The following DENND1A variants were observed in gnomAD, a reference collection of about 807,000 sequenced individuals.
DENND1A encodes DENN domain-containing protein 1A.
In DENND1A, 51 loss-of-function variants were observed where a neutral mutation model predicts 113.7. The observed-to-expected ratio is 0.45, with a 90% CI of 0.36 to 0.57. The LOEUF is 0.57. Among genes scored for constraint, DENND1A ranks in the 20% least tolerant of loss-of-function variants. DENND1A has a pLI of 0.00. For synonymous variants in DENND1A, 565 were observed against 570.8 expected (o/e 0.99, Z 0.14); for missense variants, 1,258 against 1,395.9 (o/e 0.90, Z 1.57).
At chr9:123,567,991 C>G (rs2058146627) in intron 12 of DENND1A, among the ~76,000 whole-genome samples, 1 of 152,208 alleles carries the variant, frequency 6.6e-6, no homozygotes, top group Non-Finnish European at 1.5e-5. Context: ...TAAAACTATT[C>G]CAGTCACCAC....
chr9:123,667,490 A>G (rs940275027), intron 7 of DENND1A, among the ~76,000 whole-genome samples: 1 of 152,098 alleles, frequency 6.6e-6, no homozygotes, highest in Non-Finnish European at 1.5e-5. Context: ...GGTGGCGGGC[A>G]CCTGTAATCC....
chr9:123,706,354 G>A (rs756854612), intron 5 of DENND1A, among the ~76,000 whole-genome samples: 21 of 151,756 alleles, frequency 1.4e-4, no homozygotes, highest in Non-Finnish European at 2.2e-4. Flanking sequence ...GTTTCACTAT[G>A]TTGGCCAGGC....
chr9:123,408,807 C>A (rs2044086158), intron 20 of DENND1A, among the ~76,000 whole-genome samples: 1 of 152,224 alleles, frequency 6.6e-6, no homozygotes. Flanking sequence ...CTGCACAGAT[C>A]CCCACACCAG....
chr9:123,849,440 A>T (rs573446505), intron 2 of DENND1A, among the ~76,000 whole-genome samples: 65 of 152,330 alleles, frequency 4.3e-4, no homozygotes, highest in African/African-American at 1.3e-3. Context: ...GCCATTGAGT[A>T]ATGACACAAA....
intron 10 of DENND1A, among the ~76,000 whole-genome samples, chr9:123,628,478 G>A (rs750529312): frequency 2.6e-5 from 4 of 152,132 alleles, no homozygotes; most frequent in Admixed American, 6.5e-5. Context: ...GTCTCCAATG[G>A]AAGGAGAGAG....
At chr9:123,471,194 C>T (rs1442093005) in intron 13 of DENND1A, among the ~76,000 whole-genome samples, 5 of 152,142 alleles carry the variant, frequency 3.3e-5, no homozygotes, top group African/African-American at 7.2e-5. Flanking sequence ...ATGGGAGAGT[C>T]GGGAACAGTG....
At position 123,678,164 on chromosome 9, in the gene DENND1A, T is replaced by G. The variant is rs2064212315; in HGVS notation, c.303-1375A>C. Among the ~76,000 whole-genome samples, 2 of 152,220 alleles carry G rather than the reference T, an allele frequency of 1.3e-5. 1 individual carries two copies. The highest frequency in any genetic ancestry group is 4.1e-4 in the South Asian group (2 of 4,830). On this transcript the variant is annotated intron_variant, in intron 5 of 23. Transcript: ENST00000394215. ...ATGATGCAGTCCTCAATGGCATGTC[T>G]GTTTTCTCAACAGACCACATGCAAA...
chr9:123,602,639 C>A (rs1340811127), intron 11 of DENND1A, among the ~76,000 whole-genome samples: 1 of 152,220 alleles, frequency 6.6e-6, no homozygotes, highest in African/African-American at 2.4e-5. Flanking sequence ...ATGAAACTAT[C>A]AGGTGAGATT....
chr9:123,861,509 G>A (rs1164067460), intron 2 of DENND1A, among the ~76,000 whole-genome samples: 4 of 151,958 alleles, frequency 2.6e-5, no homozygotes, highest in South Asian at 2.1e-4. Flanking sequence ...CCCTTTTCAC[G>A]CTAAGAAGGA....
chr9:123,929,354 A>C (rs952427959), intron 1 of DENND1A, among the ~76,000 whole-genome samples: 9 of 152,164 alleles, frequency 5.9e-5, no homozygotes, highest in South Asian at 4.1e-4. Context: ...TTCACAGATA[A>C]GAGGGGGGAA....
intron 3 of DENND1A, among the ~76,000 whole-genome samples, chr9:123,790,917 G>C (rs998584464): frequency 6.6e-5 from 10 of 152,086 alleles, no homozygotes; most frequent in African/African-American, 2.4e-4. Flanking sequence ...TATAATAACT[G>C]ATGATTTGTA....
chr9:123,381,858 G>A lies in DENND1A; in HGVS notation c.2787C>T (p.Ser929=), dbSNP rs546983524. The change falls in exon 24 of 24, where the codon TCC becomes TCT. Residue 929 remains serine (S), a synonymous_variant. Transcript: ENST00000394215. This position sits in a 1 kb window ranked among gnomAD's most constrained non-coding sequence, Gnocchi z 4.7. The part of the protein sequence containing the change: ...PPASLGPAFA[S]GLLLSSAGFC... Reference sequence around the variant, plus strand: ...AGCCAGCACTGGACAGCAGGAGGCCGGACGCAAAAGCCGGCCCCAGGGAAG... The same window carrying A: ...AGCCAGCACTGGACAGCAGGAGGCCAGACGCAAAAGCCGGCCCCAGGGAAG... 51 of 1,460,016 alleles carry A rather than the reference G, an allele frequency of 3.5e-5. No individual in the cohort carries two copies. The Admixed American group carries it at 4.4e-4, about 13-fold the overall frequency. 90.4% of individuals were successfully genotyped at this position (1,460,016 alleles called of 1,614,324 possible).
At chr9:123,464,636 A>C (rs1355140941) in intron 13 of DENND1A, among the ~76,000 whole-genome samples, 2 of 152,164 alleles carry the variant, frequency 1.3e-5, no homozygotes, top group East Asian at 3.8e-4. Flanking sequence ...CAGACAAAAA[A>C]ACTTCTGGAG....
intron 5 of DENND1A, among the ~76,000 whole-genome samples, chr9:123,713,718 G>A (rs2066786279): frequency 6.6e-6 from 1 of 151,866 alleles, no homozygotes; most frequent in South Asian, 2.1e-4. Context: ...AGACTCTCCT[G>A]AAATTCACAC....
At chr9:123,792,538 A>T in intron 3 of DENND1A, 49 bp downstream of exon 3, 1 of 1,585,802 alleles carries the variant, frequency 6.3e-7, no homozygotes, top group Non-Finnish European at 8.6e-7. Flanking sequence ...ATGTTGAACA[A>T]CTCTGAAATA....
chr9:123,921,677 G>C (rs564403324), intron 1 of DENND1A, among the ~76,000 whole-genome samples: 1 of 152,116 alleles, frequency 6.6e-6, no homozygotes, highest in African/African-American at 2.4e-5. Flanking sequence ...CATTCACTAT[G>C]GATCCCTCAA....
intron 11 of DENND1A, among the ~76,000 whole-genome samples, chr9:123,601,564 T>C (rs1005016628): frequency 6.6e-6 from 1 of 152,154 alleles, no homozygotes; most frequent in Non-Finnish European, 1.5e-5. Context: ...GCTAAGGAAA[T>C]TCCAGGACCA....
chr9:123,383,369 G>T (rs992719144), intron 23 of DENND1A, among the ~76,000 whole-genome samples: 3 of 152,208 alleles, frequency 2.0e-5, no homozygotes, highest in Non-Finnish European at 4.4e-5. Flanking sequence ...CCTGCCTGGG[G>T]GTGCGAGGAG....
At chr9:123,865,828 C>A (rs945084165) in intron 2 of DENND1A, among the ~76,000 whole-genome samples, 1 of 152,060 alleles carries the variant, frequency 6.6e-6, no homozygotes, top group Non-Finnish European at 1.5e-5. Context: ...GTAGGGGAGC[C>A]AGAATTTTGA....
Sources: gnomAD v4.1 joint callset for allele counts (sites outside exome capture counted in the v4.1 genomes callset) on GRCh38, gnomAD v4.1.1 for gene constraint, Gnocchi (gnomAD v3.1) non-coding constraint, MANE v1.5 for transcripts, NCBI Gene and HGNC (gene_info 2026-07-23, HGNC 2026-07-21) for gene names.